The following WDPCP variants were observed in gnomAD, a reference collection of about 807,000 sequenced individuals.
WDPCP encodes WD repeat-containing and planar cell polarity effector protein fritz homolog.
A neutral mutation model predicts 93.1 loss-of-function variants in WDPCP; 71 were observed. The observed-to-expected ratio is 0.76, with a 90% confidence interval of 0.63 to 0.93. The LOEUF (loss-of-function observed/expected upper bound fraction) is 0.93, where lower values mean the gene tolerates loss of function less well. WDPCP is among the 40% of genes least tolerant of loss of function. WDPCP has a pLI of 0.00. For missense variants in WDPCP, 844 were observed against 887.4 expected (o/e 0.95, Z 0.62); for synonymous variants, 315 against 315.0 (o/e 1.00, Z 0.00).
chr2:63,830,500 T>TA (rs1397251440), upstream of WDPCP, among the ~76,000 whole-genome samples: 2 of 152,166 alleles, frequency 1.3e-5, no homozygotes, highest in Non-Finnish European at 2.9e-5. Context: ...CTCGGAACTA[T>TA]AAAGATATTG....
intron 14 of WDPCP, among the ~76,000 whole-genome samples, chr2:63,190,876 C>T (rs1050544418): frequency 2.0e-5 from 3 of 152,102 alleles, no homozygotes; most frequent in Non-Finnish European, 4.4e-5. Context: ...ACTTTATAAT[C>T]ACCTTTGTGT....
At chr2:63,340,765 G>A (rs939050992) in intron 12 of WDPCP, among the ~76,000 whole-genome samples, 1 of 152,024 alleles carries the variant, frequency 6.6e-6, no homozygotes, top group Admixed American at 6.6e-5. Context: ...TTTGAGTTCT[G>A]GGTTGTTGTT....
intron 6 of WDPCP, among the ~76,000 whole-genome samples, chr2:63,482,945 T>C (rs1201436544): frequency 2.0e-5 from 3 of 151,972 alleles, no homozygotes; most frequent in Non-Finnish European, 4.4e-5. Flanking sequence ...AAAGTAATTA[T>C]ATATATATTT....
intron 10 of WDPCP, among the ~76,000 whole-genome samples, chr2:63,399,367 T>C (rs1413395237): frequency 1.3e-5 from 2 of 151,872 alleles, no homozygotes; most frequent in Non-Finnish European, 2.9e-5. Context: ...AGCTGGCAAT[T>C]AGCAGGAAGC....
chr2:63,529,675 T>C (rs543771498), intron 1 of WDPCP, among the ~76,000 whole-genome samples: 3 of 152,314 alleles, frequency 2.0e-5, no homozygotes, highest in South Asian at 4.1e-4. Flanking sequence ...TCTAAAATTC[T>C]CTTTTTTCGT....
chr2:63,629,793 C>T (rs74857094), intron 3 of WDPCP, among the ~76,000 whole-genome samples: 1 of 152,312 alleles, frequency 6.6e-6, no homozygotes, highest in East Asian at 1.9e-4. Flanking sequence ...TGCCCCCACC[C>T]TTCCTGCCGT....
chr2:63,322,893 A>G (rs1202081653), intron 12 of WDPCP, among the ~76,000 whole-genome samples: 4 of 152,218 alleles, frequency 2.6e-5, no homozygotes, highest in Admixed American at 1.3e-4. Context: ...CGGGGTCTAA[A>G]TACCAGGCAC....
At chr2:63,783,305 T>C (rs1195057720) in intron 2 of WDPCP, among the ~76,000 whole-genome samples, 2 of 151,874 alleles carry the variant, frequency 1.3e-5, no homozygotes, top group South Asian at 2.1e-4. Flanking sequence ...ACTGTAGTCC[T>C]AGCTACTTGG....
chr2:63,496,812 T>C (rs1416558216), intron 1 of WDPCP, among the ~76,000 whole-genome samples: 1 of 152,066 alleles, frequency 6.6e-6, no homozygotes, highest in African/African-American at 2.4e-5. Context: ...GAATCTATCA[T>C]ATAAGGATGG....
At chr2:63,834,612 G>C in the WDPCP span, among the ~76,000 whole-genome samples, 2 of 152,216 alleles carry the variant, frequency 1.3e-5, no homozygotes, top group Non-Finnish European at 2.9e-5. Context: ...ATTTACCAGA[G>C]CTTCCTGGAA....
intron 2 of WDPCP, among the ~76,000 whole-genome samples, chr2:63,693,450 GATA>G (rs760912715): frequency 6.1e-5 from 9 of 146,640 alleles, no homozygotes; most frequent in Non-Finnish European, 1.2e-4. Flanking sequence ...TAGATAGATA[GATA>G]GATAGATAGA....
At chr2:63,333,552 C>T (rs765583163) in intron 12 of WDPCP, among the ~76,000 whole-genome samples, 8 of 152,210 alleles carry the variant, frequency 5.3e-5, no homozygotes, top group Non-Finnish European at 1.2e-4. Context: ...CACCACAATC[C>T]TTTATCTTAA....
rs147118087 is a variant in WDPCP, at chr2:63,572,126, G to A, written c.75+16071C>T. Among the ~76,000 whole-genome samples, 342 of 152,236 alleles carry A rather than the reference G, an allele frequency of 2.2e-3. 2 individuals are homozygous for A. Among genetic ancestry groups the A allele is most frequent in the African/African-American group, 7.4e-3 (309 of 41,530 alleles). On this transcript the variant is annotated intron_variant, in intron 1 of 17. Transcript: ENST00000272321. ...CAAGGAATGGCAAAAATCCCATATC[G>A]TGTATTCCAGTCCCATATCCCTTAA...
chr2:63,308,107 A>G (rs1280630942), intron 13 of WDPCP, among the ~76,000 whole-genome samples: 4 of 152,384 alleles, frequency 2.6e-5, no homozygotes, highest in African/African-American at 4.8e-5. Context: ...ACACTTCTCA[A>G]AAGAAGACAT....
At chr2:63,802,259 A>AAC (rs1670707787) in intron 2 of WDPCP, among the ~76,000 whole-genome samples, 1 of 125,504 alleles carries the variant, frequency 8.0e-6, no homozygotes, top group Non-Finnish European at 1.6e-5. Context: ...CAGCCTGGGC[A>AAC]ACATTATGAT....
At chr2:63,190,422 G>A (rs1184077066) in intron 14 of WDPCP, among the ~76,000 whole-genome samples, 3 of 126,330 alleles carry the variant, frequency 2.4e-5, no homozygotes. Context: ...GACAGGGTGA[G>A]ACCTTGTCTC....
In WDPCP at chr2:63,566,407, C is replaced by A. The variant is rs1286351912; in HGVS notation, c.75+21790G>T. 3.3e-5 allele frequency among the ~76,000 whole-genome samples: 5 copies of A among 152,198 alleles called. 1 individual carries two copies. Among genetic ancestry groups the A allele is most frequent in the Admixed American group, 6.5e-5 (1 of 15,284 alleles). On this transcript the variant is annotated intron_variant, in intron 1 of 17. Coordinates refer to ENST00000272321, the MANE Select transcript of WDPCP (RefSeq NM_015910.7). Reference sequence around the variant, plus strand: ...CCTGCCTTTGCTTCAAGTTGTCCTGCCTTTCCAGACTGAGCCAATGTACTT... The same window carrying A: ...CCTGCCTTTGCTTCAAGTTGTCCTGACTTTCCAGACTGAGCCAATGTACTT...
chr2:63,816,616 G>T (rs1166525133), intron 1 of WDPCP, among the ~76,000 whole-genome samples: 1 of 152,194 alleles, frequency 6.6e-6, no homozygotes, highest in Non-Finnish European at 1.5e-5. Flanking sequence ...TTCAGAGGGA[G>T]CACAGCCCTG....
intron 13 of WDPCP, among the ~76,000 whole-genome samples, chr2:63,278,741 G>C (rs1683274134): frequency 6.6e-6 from 1 of 152,140 alleles, no homozygotes. Context: ...CAGAAGAATG[G>C]TGTGAACCTG....
Sources: allele counts gnomAD v4.1 joint callset (sites outside exome capture counted in the v4.1 genomes callset), GRCh38; gene constraint gnomAD v4.1.1; transcripts MANE v1.5; gene names NCBI Gene and HGNC (gene_info 2026-07-23, HGNC 2026-07-21).